The following ARHGAP10 variants were observed in gnomAD, a reference collection of about 807,000 sequenced individuals.
ARHGAP10 encodes the protein Rho GTPase activating protein 10, also known as rho GTPase-activating protein 10.
In ARHGAP10, 87 loss-of-function variants were observed where a neutral mutation model predicts 108.6. The observed-to-expected ratio is 0.80, with a 90% CI of 0.67 to 0.96. ARHGAP10 has a LOEUF of 0.96. Ranked by LOEUF, ARHGAP10 falls within the 40% of genes least tolerant of loss-of-function variation. The probability of loss-of-function intolerance (pLI) is 0.00; values close to 1 mark genes in which losing one functional copy is unlikely to be tolerated. For missense variants in ARHGAP10, 939 were observed against 954.5 expected, an observed-to-expected ratio of 0.98 and a Z score of 0.21; for synonymous variants, 347 against 341.1, an observed-to-expected ratio of 1.02 and a Z score of -0.19.
intron 1 of ARHGAP10, among the ~76,000 whole-genome samples, chr4:147,768,815 T>C (rs1269163168): frequency 6.6e-6 from 1 of 151,562 alleles, no homozygotes; most frequent in Non-Finnish European, 1.5e-5. Flanking sequence ...CTCTGTTCAC[T>C]GCAGCCTCCG....
chr4:147,777,317 G>T (rs976418501), intron 1 of ARHGAP10, among the ~76,000 whole-genome samples: 2 of 151,266 alleles, frequency 1.3e-5, no homozygotes, highest in Non-Finnish European at 2.9e-5. Context: ...GGAGTGCAGT[G>T]GCGCGATTTC....
Position 147,965,105 on chromosome 4 carries a change from A to G in ARHGAP10, c.1532A>G (p.Asp511Gly). The G allele has an allele frequency of 5.0e-6, 8 of 1,604,696 alleles. No individual in the cohort carries two copies. The highest frequency in any genetic ancestry group is 6.8e-6 in the Non-Finnish European group (8 of 1,175,274). Reference protein sequence around the residue: ...KLPEKNKEMLDILVKHLTNVS... With the variant: ...KLPEKNKEMLGILVKHLTNVS... The stretch of plus-strand genomic sequence containing the variant: ...CCAGAGAAGAATAAAGAGATGTTGG[A>G]TATTTTGGTGAAACACTTAACAAAG... Residue 511 changes from aspartate (D) to glycine (G), a missense_variant, in exon 17 of 23, where the codon GAT (aspartate) becomes GGT (glycine). Physicochemically the swap from Asp to Gly is moderately conservative, Grantham distance 94. Transcript: ENST00000336498.
chr4:148,014,509 G>C (rs1419859271), intron 18 of ARHGAP10, among the ~76,000 whole-genome samples: 1 of 152,182 alleles, frequency 6.6e-6, no homozygotes, highest in Non-Finnish European at 1.5e-5. Context: ...GATATAGATG[G>C]GGAGAAAGTT....
chr4:147,845,374 AG>A (rs1733590393), intron 3 of ARHGAP10, among the ~76,000 whole-genome samples: 1 of 152,240 alleles, frequency 6.6e-6, no homozygotes, highest in African/African-American at 2.4e-5. Context: ...CCACGAAGGC[AG>A]GGGGCTGTGC....
At chr4:147,771,003 A>T (rs1730054461) in intron 1 of ARHGAP10, among the ~76,000 whole-genome samples, 1 of 152,106 alleles carries the variant, frequency 6.6e-6, no homozygotes, top group Non-Finnish European at 1.5e-5. Flanking sequence ...TTTTCTTTTA[A>T]GGAGACCAGT....
intron 4 of ARHGAP10, among the ~76,000 whole-genome samples, chr4:147,854,167 CAGATT>C (rs1170908631): frequency 3.3e-5 from 5 of 152,116 alleles, no homozygotes; most frequent in Admixed American, 2.0e-4. Context: ...AATTTTATAA[CAGATT>C]AGAAAGCTGA....
At chr4:147,778,129 T>G (rs1196665766) in intron 1 of ARHGAP10, among the ~76,000 whole-genome samples, 1 of 152,178 alleles carries the variant, frequency 6.6e-6, no homozygotes, top group African/African-American at 2.4e-5. Flanking sequence ...AGTGTCGGTT[T>G]AGCGCTGAGA....
chr4:147,816,004 C>T (rs906995824), intron 1 of ARHGAP10, among the ~76,000 whole-genome samples: 4 of 152,304 alleles, frequency 2.6e-5, no homozygotes, highest in South Asian at 2.1e-4. Context: ...GAAATGAATA[C>T]GTAAGTGTCA....
At chr4:148,045,358 G>A (rs1324110469) in intron 19 of ARHGAP10, among the ~76,000 whole-genome samples, 2 of 152,026 alleles carry the variant, frequency 1.3e-5, no homozygotes, top group South Asian at 2.1e-4. Flanking sequence ...TAATTATTTT[G>A]TACAATCAGT....
At position 147,815,442 on chromosome 4, in the gene ARHGAP10, A is replaced by G. The variant is rs1465871658; in HGVS notation, c.155-7285A>G. 2.0e-5 allele frequency among the ~76,000 whole-genome samples: 3 copies of G among 152,032 alleles called. No homozygotes were observed. In the East Asian group the frequency reaches 5.8e-4, roughly 29 times the overall value. On this transcript the variant is annotated intron_variant, in intron 1 of 22. Coordinates refer to ENST00000336498, the MANE Select transcript of ARHGAP10 (RefSeq NM_024605.4). ...ATGGCAAAAGGGACTTTCAGATGTG[A>G]TTAAAGACCCTGAGATTATTGGCCG...
At chr4:147,768,457 G>A (rs1277161558) in intron 1 of ARHGAP10, among the ~76,000 whole-genome samples, 2 of 151,606 alleles carry the variant, frequency 1.3e-5, no homozygotes, top group South Asian at 2.1e-4. Flanking sequence ...TGTTAGTAAC[G>A]TAACTTGCCA....
At chr4:147,764,056 G>A (rs1729695763) in intron 1 of ARHGAP10, among the ~76,000 whole-genome samples, 1 of 152,102 alleles carries the variant, frequency 6.6e-6, no homozygotes, top group African/African-American at 2.4e-5. Context: ...CACCATGCCT[G>A]GCCCAGACAG....
intron 1 of ARHGAP10, among the ~76,000 whole-genome samples, chr4:147,741,508 G>C (rs1356846104): frequency 1.3e-5 from 2 of 152,112 alleles, no homozygotes; most frequent in East Asian, 3.8e-4. Flanking sequence ...GAGAATTCTG[G>C]TAACTGTCAA....
chr4:147,830,674 C>T (rs1040038320), intron 3 of ARHGAP10, among the ~76,000 whole-genome samples: 1 of 152,044 alleles, frequency 6.6e-6, no homozygotes, highest in Non-Finnish European at 1.5e-5. Flanking sequence ...CACTTGCTAC[C>T]ACACCCAGCT....
At chr4:147,909,372 T>G (rs1736638467) in intron 11 of ARHGAP10, among the ~76,000 whole-genome samples, 1 of 152,146 alleles carries the variant, frequency 6.6e-6, no homozygotes, top group African/African-American at 2.4e-5. Flanking sequence ...AGCTCACTGC[T>G]GAAGAGATTG....
At chr4:147,866,533 A>C in intron 6 of ARHGAP10, 179 bp from the exon 7 acceptor site, 1 of 523,542 alleles carries the variant, frequency 1.9e-6, no homozygotes, top group Non-Finnish European at 3.4e-6. Flanking sequence ...ATTTTCTATA[A>C]AGACCAATTA....
At chr4:147,907,045 T>G (rs1736525571) in intron 11 of ARHGAP10, among the ~76,000 whole-genome samples, 1 of 152,198 alleles carries the variant, frequency 6.6e-6, no homozygotes, top group Non-Finnish European at 1.5e-5. Flanking sequence ...ATGCCTGCAA[T>G]GCATTTTGAT....
chr4:147,975,386 G>C (rs184601096), intron 18 of ARHGAP10, among the ~76,000 whole-genome samples: 1 of 152,308 alleles, frequency 6.6e-6, no homozygotes, highest in Non-Finnish European at 1.5e-5. Flanking sequence ...GAGCAGTAGG[G>C]AGAAGGGCAT....
chr4:147,953,044 G>C (rs1373316602), intron 15 of ARHGAP10, among the ~76,000 whole-genome samples: 1 of 151,706 alleles, frequency 6.6e-6, no homozygotes, highest in Non-Finnish European at 1.5e-5. Flanking sequence ...TGATCATACA[G>C]TTTTCTTTTC....
Sources: gnomAD v4.1 joint callset for allele counts (sites outside exome capture counted in the v4.1 genomes callset) on GRCh38, gnomAD v4.1.1 for gene constraint, MANE v1.5 for transcripts, NCBI Gene and HGNC (gene_info 2026-07-23, HGNC 2026-07-21) for gene names.